SPTBN5: variants seen among roughly 807,000 people sequenced by gnomAD.
The protein encoded by SPTBN5 is spectrin beta, non-erythrocytic 5.
In SPTBN5, 513 loss-of-function variants were observed where a neutral mutation model predicts 477.6. The observed-to-expected ratio is 1.07, with a 90% CI of 1.00 to 1.16. SPTBN5 has a LOEUF of 1.16. Among genes scored for constraint, SPTBN5 ranks in the 50% most tolerant of loss-of-function variants. The pLI is 0.00. For missense variants in SPTBN5, 5,062 were observed against 4,731.8 expected (o/e 1.07, Z -2.05); for synonymous variants, 2,169 against 2,011.7 (o/e 1.08, Z -2.09).
rs2066873853 is a variant in SPTBN5, at chr15:41,879,511, G to C, written c.2943-12C>G. 1 of 1,544,220 alleles carries C rather than the reference G, an allele frequency of 6.5e-7. No homozygotes were observed. The highest frequency in any genetic ancestry group is 2.4e-5 in the East Asian group (1 of 41,372). Reference sequence around the variant, plus strand: ...CCAGCTGCCCCCACCTGGGCAGAGGGTACAAGGTTGTCTCCACAACAGGGA... The same window carrying C: ...CCAGCTGCCCCCACCTGGGCAGAGGCTACAAGGTTGTCTCCACAACAGGGA... On this transcript the variant is annotated splice_polypyrimidine_tract_variant and intron_variant, in intron 15 of 67. Transcript: ENST00000320955.
intron 16 of SPTBN5, among the ~76,000 whole-genome samples, 157 bp downstream of exon 16, chr15:41,879,103 A>G (rs182478515): frequency 1.3e-5 from 2 of 152,260 alleles, no homozygotes; most frequent in African/African-American, 4.8e-5. Flanking sequence ...TCCTGTCCCC[A>G]GGACCATTTT....
rs941554037 is a variant in SPTBN5, at chr15:41,853,066, T to C, written c.10171-66A>G. 1.9e-5 allele frequency: 28 copies of C among 1,454,778 alleles called. No individual in the cohort carries two copies. The African/African-American group carries it at 3.3e-4, about 17-fold the overall frequency. The allele number at this position is 1,454,778 out of a possible 1,614,324, so 90.1% of individuals were successfully genotyped here. On this transcript the variant is annotated intron_variant, in intron 59 of 67. Coordinates refer to ENST00000320955, the MANE Select transcript of SPTBN5 (RefSeq NM_016642.4). ...GCTCCCACCATGGGCAGGGCAGGGCTGGAGAGCCAAGTGTTAATGGAAGTG... is the reference window on the plus strand; with the variant it reads ...GCTCCCACCATGGGCAGGGCAGGGCCGGAGAGCCAAGTGTTAATGGAAGTG...
At chr15:41,855,125 G>A (rs2065894587) in intron 55 of SPTBN5, 99 bp downstream of exon 55, 3 of 1,458,320 alleles carry the variant, frequency 2.1e-6, no homozygotes, top group Non-Finnish European at 2.8e-6. Context: ...ACCCTCTCCA[G>A]GCTCCTTTCT....
rs2066766364 is a variant in SPTBN5 at position 41,877,131 on chromosome 15, G to C, written c.3696C>G (p.His1232Gln). 6.2e-7 allele frequency: 1 copy of C among 1,613,774 alleles called. No homozygotes were observed. Among genetic ancestry groups the C allele is most frequent in the African/African-American group, 1.3e-5 (1 of 74,934 alleles). The change falls in exon 18 of 68, where the codon CAC becomes CAG. Residue 1232 changes from histidine (H) to glutamine (Q), a missense_variant. By Grantham distance (24) the His-to-Gln change is conservative. Transcript: ENST00000320955. Reference protein sequence around the residue: ...ATCANHQAWLHLDNLGEDVRE... With the variant: ...ATCANHQAWLQLDNLGEDVRE... ...TGCTCCATACCCCAAGGTTGTCCAG[G>C]TGCAGCCAGGCCTGGTGGTTGGCAC...
Position 41,855,658 on chromosome 15 carries a change from G to C in SPTBN5, c.9109C>G (p.Leu3037Val). ...MGHSAEATQA[L>V]LRRLEATKRD... Reference sequence around the variant, plus strand: ...TTGGTGGCCTCCAGCCGCCGCAGAAGGGCCTGTGTGGCTTCAGCACTGTGG... The same window carrying C: ...TTGGTGGCCTCCAGCCGCCGCAGAACGGCCTGTGTGGCTTCAGCACTGTGG... The change falls in exon 54 of 68, where the codon CTT becomes GTT. Residue 3037 changes from leucine to valine, a missense_variant. Coordinates refer to ENST00000320955, the MANE Select transcript of SPTBN5 (RefSeq NM_016642.4). The C allele has an allele frequency of 2.5e-6, 4 of 1,607,442 alleles. No homozygotes were observed. The highest frequency in any genetic ancestry group is 2.5e-6 in the Non-Finnish European group (3 of 1,178,542).
chr15:41,875,857 C>A (rs372849471), intron 21 of SPTBN5, among the ~76,000 whole-genome samples: 1 of 152,118 alleles, frequency 6.6e-6, no homozygotes, highest in South Asian at 2.1e-4. Flanking sequence ...TGGGGAGAGC[C>A]GTGTTCTGGT....
In SPTBN5 at chr15:41,874,463, C is replaced by T. The variant is rs2066652207; in HGVS notation, c.4518G>A (p.Gln1506=). 1.2e-6 allele frequency: 2 copies of T among 1,608,952 alleles called. No individual in the cohort carries two copies. The highest frequency in any genetic ancestry group is 1.7e-6 in the Non-Finnish European group (2 of 1,178,318). Residue 1506 remains glutamine, a synonymous_variant, in exon 24 of 68, where the codon CAG becomes CAA. Transcript: ENST00000320955. ...GCAGGCCCCGGATGGCCAGATGCCC[C>T]TGCAGAAGCTCCAGCCTAGGAGGAG... is the stretch of plus-strand genomic sequence containing the variant. ...QKHLRRLELL[Q]GHLAIRGLQL...
Position 41,869,826 on chromosome 15 carries a change from G to C in SPTBN5, c.5853+15C>G. The C allele has an allele frequency of 6.5e-7, 1 of 1,544,478 alleles. No homozygotes were observed. The highest frequency in any genetic ancestry group is 8.6e-7 in the Non-Finnish European group (1 of 1,157,090). On this transcript the variant is annotated intron_variant, in intron 32 of 67. Coordinates refer to ENST00000320955, the MANE Select transcript of SPTBN5 (RefSeq NM_016642.4). ...ACATGCACACACACACCACCCAAAG[G>C]GCAGGAGCCCTCACCGCCGTGCGGA... is the stretch of plus-strand genomic sequence containing the variant.
chr15:41,879,128 C>T, intron 16 of SPTBN5, 132 bp downstream of exon 16: 1 of 1,070,958 alleles, frequency 9.3e-7, no homozygotes, highest in South Asian at 1.6e-5. Flanking sequence ...TGATCATCCC[C>T]CCATCTTTGC....
In SPTBN5 at chr15:41,873,961, G is replaced by C. The variant is rs776210381; in HGVS notation, c.4774C>G (p.Pro1592Ala). ...TGCTCCACGATGTGTTGGGCTTGGG[G>C]GTGCCCTGAGGCTGCCAGGCTCCGC... The part of the protein sequence containing the change: ...SGRSLAASGH[P>A]QAQHIVEQCQ... Residue 1592 changes from proline (P) to alanine (A), a missense_variant, in exon 25 of 68, where the codon CCC (proline) becomes GCC (alanine). Physicochemically the swap from Pro to Ala is conservative, Grantham distance 27. Coordinates refer to ENST00000320955, the MANE Select transcript of SPTBN5 (RefSeq NM_016642.4). 3.1e-6 allele frequency: 5 copies of C among 1,608,258 alleles called. No individual in the cohort carries two copies. In the East Asian group the frequency reaches 1.1e-4, roughly 36 times the overall value.
chr15:41,865,933 C>T, intron 38 of SPTBN5, 30 bp from the exon 39 acceptor site: 5 of 1,552,320 alleles, frequency 3.2e-6, no homozygotes, highest in South Asian at 1.2e-5. Context: ...GGAGGGAGCG[C>T]TGTGAGCACC....
Position 41,851,584 on chromosome 15 carries a change from T to C in SPTBN5, c.10656+195A>G, listed in dbSNP as rs1197663. Among the ~76,000 whole-genome samples the C allele has an allele frequency of 2.4e-3, 298 of 123,944 alleles. 1 individual carries two copies. Among genetic ancestry groups the C allele is most frequent in the Middle Eastern group, 7.5e-3 (2 of 268 alleles). 81.3% of individuals were successfully genotyped at this position (123,944 alleles called of 152,430 possible). A position where few individuals can be genotyped will look rare whatever the true frequency, so the allele number is the denominator to read the frequency against. On this transcript the variant is annotated intron_variant, in intron 63 of 67. Coordinates refer to ENST00000320955, the MANE Select transcript of SPTBN5 (RefSeq NM_016642.4). ...GAGGAGGAATCCCAGCACCTCCTGG[T>C]GGGGGTGGGTAGGTGGGGGCGGTGG...
chr15:41,876,496 C>T (rs1214272774), intron 20 of SPTBN5, 52 bp downstream of exon 20: 2 of 1,497,556 alleles, frequency 1.3e-6, no homozygotes, highest in Admixed American at 3.9e-5. Context: ...TCTGTACGGT[C>T]TCAGGCTTTC....
chr15:41,890,285 C>T, intron 3 of SPTBN5, 80 bp from the exon 4 acceptor site: 1 of 954,510 alleles, frequency 1.0e-6, no homozygotes, highest in Non-Finnish European at 1.7e-6. Context: ...AGGGGGCCAG[C>T]TGCGGGATGG....
At chr15:41,869,616 T>A (rs529006073) in intron 32 of SPTBN5, among the ~76,000 whole-genome samples, 1 of 152,364 alleles carries the variant, frequency 6.6e-6, no homozygotes, top group African/African-American at 2.4e-5. Context: ...ATGACTGCCC[T>A]GCCACTCACC....
chr15:41,848,388 CT>C lies in SPTBN5; in HGVS notation c.*227del. The C allele has an allele frequency of 1.6e-6, 1 of 618,024 alleles. No homozygotes were observed. The highest frequency in any genetic ancestry group is 2.9e-6 in the Non-Finnish European group (1 of 340,756). The allele number at this position is 618,024 out of a possible 1,614,324, so 38.3% of individuals were successfully genotyped here. On this transcript the variant is annotated 3_prime_UTR_variant, in exon 68 of 68. Transcript: ENST00000320955. ...CCTGCTCTGCCGTAACACGTCTCCT[CT>C]TCACCCAGACAGGAATGCAGGGGGA... is the stretch of plus-strand genomic sequence containing the variant.
rs1859084190 is a variant in SPTBN5, at chr15:41,875,705, G to A, written c.4123-83C>T. ...CGCAGCAGGCTGGACCTGGGTGGCA[G>A]TGGAGGTGAGGGGGTGACCACAGCT... On this transcript the variant is annotated intron_variant, in intron 21 of 67. Transcript: ENST00000320955. 4 of 1,416,894 alleles carry A rather than the reference G, an allele frequency of 2.8e-6. No homozygotes were observed. The African/African-American group carries it at 4.3e-5, about 15-fold the overall frequency. 87.8% of individuals were successfully genotyped at this position (1,416,894 alleles called of 1,614,324 possible). A position where few individuals can be genotyped will look rare whatever the true frequency, so the allele number is the denominator to read the frequency against.
At position 41,867,089 on chromosome 15, in the gene SPTBN5, C is replaced by T. The variant is rs771548322; in HGVS notation, c.6350G>A (p.Arg2117His). 93 of 1,544,640 alleles carry T rather than the reference C, an allele frequency of 6.0e-5. No homozygotes were observed. Among genetic ancestry groups the T allele is most frequent in the Non-Finnish European group, 7.4e-5 (85 of 1,146,854 alleles). Residue 2117 changes from arginine (R) to histidine (H), a missense_variant, in exon 36 of 68, where the codon CGC becomes CAC. Physicochemically the swap from Arg to His is conservative, Grantham distance 29 (BLOSUM62 0). Coordinates refer to ENST00000320955, the MANE Select transcript of SPTBN5 (RefSeq NM_016642.4). Reference sequence around the variant, plus strand: ...GGGAAGCCGGTCCCGCACCCGGGGGCGCCGGAGCGTCTTCAGCCGCTCACG... The same window carrying T: ...GGGAAGCCGGTCCCGCACCCGGGGGTGCCGGAGCGTCTTCAGCCGCTCACG... ...ALRERLKTLR[R>H]PRVRDRLPIL...
chr15:41,865,235 C>T (rs1260184972), intron 39 of SPTBN5, among the ~76,000 whole-genome samples: 1 of 152,026 alleles, frequency 6.6e-6, no homozygotes, highest in African/African-American at 2.4e-5. Flanking sequence ...TGTGAGGGGG[C>T]GGGTGTGGGG....
Sources: allele counts gnomAD v4.1 joint callset (sites outside exome capture counted in the v4.1 genomes callset), GRCh38; gene constraint gnomAD v4.1.1; transcripts MANE v1.5; gene names NCBI Gene and HGNC (gene_info 2026-07-23, HGNC 2026-07-21).